BANP: variants seen among roughly 807,000 people sequenced by gnomAD.
The protein encoded by BANP is BTG3 associated nuclear protein.
In BANP, 11 loss-of-function variants were observed where a neutral mutation model predicts 68.1. The ratio of observed to expected loss-of-function variants is 0.16; its 90% CI spans 0.10 to 0.27. The LOEUF (loss-of-function observed/expected upper bound fraction) is 0.27, where lower values mean the gene tolerates loss of function less well. Among genes scored for constraint, BANP ranks in the 10% least tolerant of loss-of-function variants. BANP has a pLI of 1.00. For synonymous variants in BANP, 329 were observed against 303.2 expected, an observed-to-expected ratio of 1.09 and a Z score of -0.88; for missense variants, 504 against 722.7, an observed-to-expected ratio of 0.70 and a Z score of 3.47.
intron 11 of BANP, among the ~76,000 whole-genome samples, chr16:88,040,218 G>T (rs2080404129): frequency 6.6e-6 from 1 of 151,332 alleles, no homozygotes; most frequent in East Asian, 1.9e-4. Context: ...TGGTGAATCT[G>T]TGTAGCGAAC....
chr16:88,047,537 A>G (rs1353239101), intron 11 of BANP, among the ~76,000 whole-genome samples: 1 of 152,158 alleles, frequency 6.6e-6, no homozygotes, highest in Non-Finnish European at 1.5e-5. Flanking sequence ...ATCAGTGCCC[A>G]TGGGTGTGAG....
At chr16:88,045,880 G>A (rs1026293854) in intron 11 of BANP, among the ~76,000 whole-genome samples, 24 of 152,170 alleles carry the variant, frequency 1.6e-4, no homozygotes, top group African/African-American at 5.3e-4. Context: ...TCGCTTCCTC[G>A]TACTTCAGTG....
At chr16:88,056,279 T>C (rs533780328) in intron 11 of BANP, among the ~76,000 whole-genome samples, 4 of 152,332 alleles carry the variant, frequency 2.6e-5, no homozygotes, top group African/African-American at 9.6e-5. Context: ...GCAAGGAAGG[T>C]AGTTTCAGGC....
In BANP at chr16:88,064,850, A is replaced by G. The variant is rs1396033727; in HGVS notation, c.1312-417A>G. On this transcript the variant is annotated intron_variant, in intron 11 of 13. Coordinates refer to ENST00000682872, the MANE Select transcript of BANP (RefSeq NM_001386991.1). This position sits in a 1 kb window ranked among gnomAD's most constrained non-coding sequence, Gnocchi z 4.5. ...TGAGGGCCGTGGCCTTCAGGCTGTC[A>G]GGAGGCCCTGGGAGGTGGCTAGAGC... Among the ~76,000 whole-genome samples, 7 of 152,210 alleles carry G rather than the reference A, an allele frequency of 4.6e-5. No individual in the cohort carries two copies. The highest frequency in any genetic ancestry group is 1.0e-4 in the Non-Finnish European group (7 of 68,022).
intron 11 of BANP, among the ~76,000 whole-genome samples, chr16:88,055,712 GCC>G (rs2084834986): frequency 6.6e-6 from 1 of 152,018 alleles, no homozygotes; most frequent in South Asian, 2.1e-4. Context: ...GAGGCTTTAG[GCC>G]ACTCTAAATG....
rs58490341 is a variant in BANP, at chr16:88,046,120, C to T, written c.1311+8109C>T. On this transcript the variant is annotated intron_variant, in intron 11 of 13. Coordinates refer to ENST00000682872, the MANE Select transcript of BANP (RefSeq NM_001386991.1). ...CTGTGGTCTGCAGACAGAAGCTTTA[C>T]CCTGTGCACATACGAGGAGTAACTC... Among the ~76,000 whole-genome samples, 250 of 152,348 alleles carry T rather than the reference C, an allele frequency of 1.6e-3. 1 individual carries two copies. Among genetic ancestry groups the T allele is most frequent in the African/African-American group, 5.8e-3 (240 of 41,582 alleles).
At chr16:88,051,492 A>G (rs2083268188) in intron 11 of BANP, among the ~76,000 whole-genome samples, 1 of 152,202 alleles carries the variant, frequency 6.6e-6, no homozygotes. Flanking sequence ...CACGCGCAGT[A>G]GGCACATGGG....
chr16:87,969,807 A>C (rs528686685), intron 1 of BANP, among the ~76,000 whole-genome samples: 1 of 152,198 alleles, frequency 6.6e-6, no homozygotes, highest in East Asian at 1.9e-4. Context: ...GCTGGATTAC[A>C]GGCATGAGCC....
chr16:87,981,466 C>A (rs2063262955), intron 3 of BANP, among the ~76,000 whole-genome samples: 1 of 152,196 alleles, frequency 6.6e-6, no homozygotes, highest in Non-Finnish European at 1.5e-5. Context: ...TTAAGGCCCA[C>A]CCTAATCCAG....
chr16:88,026,123 C>T (rs887209415), intron 7 of BANP, among the ~76,000 whole-genome samples: 8 of 152,196 alleles, frequency 5.3e-5, no homozygotes, highest in Non-Finnish European at 1.0e-4. Flanking sequence ...CTGCTCAGGG[C>T]GTGCTGAGAG....
chr16:88,046,693 A>AC (rs1346046406), intron 11 of BANP, among the ~76,000 whole-genome samples: 1 of 151,508 alleles, frequency 6.6e-6, no homozygotes, highest in Non-Finnish European at 1.5e-5. Context: ...TTATATAGGC[A>AC]CCCGCCACCG....
chr16:88,023,560 A>G (rs1374317140), intron 7 of BANP, among the ~76,000 whole-genome samples: 3 of 152,034 alleles, frequency 2.0e-5, no homozygotes, highest in South Asian at 4.2e-4. Context: ...TCCCTTGCAC[A>G]TGAGAGTGTG....
chr16:88,028,578 G>A (rs1216835545), intron 8 of BANP, among the ~76,000 whole-genome samples: 1 of 152,224 alleles, frequency 6.6e-6, no homozygotes, highest in Non-Finnish European at 1.5e-5. Context: ...GCGCTTTATT[G>A]AGTGACCTGT....
chr16:88,046,849 G>T (rs1188762746), intron 11 of BANP, among the ~76,000 whole-genome samples: 1 of 152,024 alleles, frequency 6.6e-6, no homozygotes, highest in Admixed American at 6.5e-5. Flanking sequence ...GGCAGATCAC[G>T]AAGTCAGGAG....
intron 1 of BANP, among the ~76,000 whole-genome samples, chr16:87,970,341 G>T (rs1017021442): frequency 6.6e-6 from 1 of 152,194 alleles, no homozygotes; most frequent in African/African-American, 2.4e-5. Flanking sequence ...CACATAGATG[G>T]TGCTGAATTC....
intron 6 of BANP, among the ~76,000 whole-genome samples, chr16:88,013,692 C>G (rs966510424): frequency 6.6e-6 from 1 of 152,234 alleles, no homozygotes; most frequent in African/African-American, 2.4e-5. Flanking sequence ...ACATGGGGCC[C>G]TCCTTGCACA....
At chr16:88,007,449 C>T (rs747504516) in intron 6 of BANP, among the ~76,000 whole-genome samples, 13 of 152,212 alleles carry the variant, frequency 8.5e-5, no homozygotes, top group Non-Finnish European at 1.9e-4. Context: ...GCCTGGCCCT[C>T]GGCCTGCCCA....
chr16:88,047,072 G>GAA (rs141610858), intron 11 of BANP, among the ~76,000 whole-genome samples: 3 of 148,038 alleles, frequency 2.0e-5, no homozygotes, highest in African/African-American at 7.4e-5. Context: ...TCTCAAAAAA[G>GAA]AAAAAAAAAA....
chr16:87,982,214 A>G (rs1323173725), intron 3 of BANP, among the ~76,000 whole-genome samples: 1 of 152,238 alleles, frequency 6.6e-6, no homozygotes. Context: ...ACAGAAATGT[A>G]TAAAGTGGGC....
Sources: gnomAD v4.1 joint callset for allele counts (sites outside exome capture counted in the v4.1 genomes callset) on GRCh38, gnomAD v4.1.1 for gene constraint, Gnocchi (gnomAD v3.1) non-coding constraint, MANE v1.5 for transcripts, NCBI Gene and HGNC (gene_info 2026-07-23, HGNC 2026-07-21) for gene names.